Variants in MEIS2 observed in about 807,000 individuals in gnomAD.
MEIS2 encodes homeobox protein Meis2.
MEIS2 carries 9 observed loss-of-function variants against 58.6 expected under a neutral mutation model. The observed-to-expected ratio is 0.15, with a 90% CI of 0.09 to 0.27. The LOEUF (loss-of-function observed/expected upper bound fraction) is 0.27, where lower values mean the gene tolerates loss of function less well. Ranked by LOEUF, MEIS2 falls within the 10% of genes least tolerant of loss-of-function variation. The pLI is 1.00. For missense variants in MEIS2, 427 were observed against 635.0 expected (o/e 0.67, Z 3.52); for synonymous variants, 221 against 228.4 (o/e 0.97, Z 0.29).
At chr15:37,082,000 C>T (rs1395957732) in intron 7 of MEIS2, among the ~76,000 whole-genome samples, 1 of 152,204 alleles carries the variant, frequency 6.6e-6, no homozygotes, top group East Asian at 1.9e-4. Context: ...GTTCTTCTTT[C>T]TCCCACCTCC....
rs111305202 is a variant in MEIS2, at chr15:36,959,281, A to G, written c.901-8881T>C. Among the ~76,000 whole-genome samples, 551 of 152,244 alleles carry G rather than the reference A, an allele frequency of 3.6e-3. 2 individuals are homozygous for G. Among genetic ancestry groups the G allele is most frequent in the African/African-American group, 0.012 (518 of 41,554 alleles). ...GCCAATATCCAGATTTTTTTCCTGC[A>G]AGTTACGTAACACCCATATCCTACG... On this transcript the variant is annotated intron_variant, in intron 8 of 11. Coordinates refer to ENST00000561208, the MANE Select transcript of MEIS2 (RefSeq NM_170675.5).
intron 8 of MEIS2, among the ~76,000 whole-genome samples, chr15:36,954,730 C>G (rs958774622): frequency 1.3e-5 from 2 of 152,058 alleles, no homozygotes; most frequent in African/African-American, 4.8e-5. Context: ...CACAATTTGT[C>G]AAGTTACTTC....
chr15:37,099,096 G>C, intron 1 of MEIS2: 4 of 1,002,570 alleles, frequency 4.0e-6, no homozygotes, highest in Non-Finnish European at 4.8e-6. Context: ...GCGCAGCAGC[G>C]GCAGCAGGAG....
intron 8 of MEIS2, among the ~76,000 whole-genome samples, chr15:37,000,827 T>C (rs1450024329): frequency 6.6e-6 from 1 of 152,150 alleles, no homozygotes; most frequent in Non-Finnish European, 1.5e-5. Flanking sequence ...AAGCAACTTT[T>C]CTCAGCTCCG....
intron 7 of MEIS2, among the ~76,000 whole-genome samples, chr15:37,080,574 G>T (rs1245397744): frequency 6.6e-6 from 1 of 152,134 alleles, no homozygotes; most frequent in Non-Finnish European, 1.5e-5. Flanking sequence ...GACTCAGCAG[G>T]TACAGAATTA....
intron 6 of MEIS2, among the ~76,000 whole-genome samples, chr15:37,093,127 C>A (rs2088626763): frequency 6.6e-6 from 1 of 152,190 alleles, no homozygotes; most frequent in African/African-American, 2.4e-5. Flanking sequence ...TCAGAATTGT[C>A]ATCTCTGTGA....
intron 8 of MEIS2, among the ~76,000 whole-genome samples, chr15:36,955,101 A>T (rs1006320563): frequency 2.0e-5 from 3 of 152,234 alleles, no homozygotes; most frequent in African/African-American, 7.2e-5. Flanking sequence ...TGGAATGCCA[A>T]ACTTATTCAA....
intron 9 of MEIS2, among the ~76,000 whole-genome samples, chr15:36,945,222 A>G (rs12593597): frequency 0.42 from 64,290 of 151,710 alleles, 14,190 homozygotes; most frequent in South Asian, 0.69. Context: ...CTAGAACACT[A>G]TTATTGCCCT....
chr15:36,980,110 C>T (rs1172808897), intron 8 of MEIS2, among the ~76,000 whole-genome samples: 1 of 151,854 alleles, frequency 6.6e-6, no homozygotes, highest in East Asian at 1.9e-4. Flanking sequence ...TTTTTTCTAA[C>T]TTATTTGTAA....
At chr15:37,047,826 G>C (rs1441074901) in intron 7 of MEIS2, among the ~76,000 whole-genome samples, 1 of 152,104 alleles carries the variant, frequency 6.6e-6, no homozygotes, top group African/African-American at 2.4e-5. Flanking sequence ...TGGCACCTTT[G>C]CTAGAGGAAA....
At chr15:36,908,763 C>T (rs1403696453) in intron 9 of MEIS2, among the ~76,000 whole-genome samples, 6 of 151,756 alleles carry the variant, frequency 4.0e-5, no homozygotes, top group East Asian at 3.9e-4. Context: ...GGAGAAACCC[C>T]GTCTCTACTA....
chr15:37,059,622 CT>C (rs373925698), intron 7 of MEIS2, among the ~76,000 whole-genome samples: 247 of 144,684 alleles, frequency 1.7e-3, no homozygotes, highest in Non-Finnish European at 1.5e-3. Flanking sequence ...GTACTGCCTT[CT>C]TTTTTTTTTT....
chr15:36,927,073 C>A (rs959929964), intron 9 of MEIS2, among the ~76,000 whole-genome samples: 2 of 152,116 alleles, frequency 1.3e-5, no homozygotes, highest in Admixed American at 6.5e-5. Flanking sequence ...TTCTTCCTAC[C>A]GATGTGCTTG....
At chr15:37,101,275 A>G (rs1596148906), upstream of MEIS2, 1 of 149,376 alleles carries the variant, frequency 6.7e-6, no homozygotes. Context: ...GTGAGGAGGC[A>G]GTCATCTGGG....
At chr15:37,067,802 T>A (rs1342294113) in intron 7 of MEIS2, among the ~76,000 whole-genome samples, 1 of 152,094 alleles carries the variant, frequency 6.6e-6, no homozygotes, top group Non-Finnish European at 1.5e-5. Context: ...AAAGAAAGTG[T>A]CTTGAGCTAT....
chr15:37,063,050 G>A (rs865846176), intron 7 of MEIS2, among the ~76,000 whole-genome samples: 5 of 152,078 alleles, frequency 3.3e-5, no homozygotes, highest in Non-Finnish European at 5.9e-5. Flanking sequence ...GCTGATCTCC[G>A]TTACCATTAT....
rs758059682 is a variant in MEIS2 at position 36,892,467 on chromosome 15, T to C, written c.1148-8A>G. On this transcript the variant is annotated splice_region_variant and splice_polypyrimidine_tract_variant and intron_variant, in intron 11 of 11. Transcript: ENST00000561208. Reference sequence around the variant, plus strand: ...CTGGCATGCTCTGCAAACCTGAAAATAGAGAGGGAAAAAGAAAGCGGGTCA... The same window carrying C: ...CTGGCATGCTCTGCAAACCTGAAAACAGAGAGGGAAAAAGAAAGCGGGTCA... 1.3e-6 allele frequency: 2 copies of C among 1,588,944 alleles called. No homozygotes were observed. Among genetic ancestry groups the C allele is most frequent in the Middle Eastern group, 1.8e-4 (1 of 5,510 alleles).
chr15:36,930,658 C>CA (rs140947418), intron 9 of MEIS2, among the ~76,000 whole-genome samples: 6,235 of 151,392 alleles, frequency 0.041, 435 homozygotes, highest in African/African-American at 0.14. Context: ...AAGTCATAAG[C>CA]AAAAAAAATG....
chr15:37,011,819 C>G (rs979920111), intron 8 of MEIS2, among the ~76,000 whole-genome samples: 6 of 151,798 alleles, frequency 4.0e-5, no homozygotes, highest in African/African-American at 1.5e-4. Context: ...GGGGTTTCAT[C>G]ATGTTGGTCA....
Sources: gnomAD v4.1 joint callset for allele counts (sites outside exome capture counted in the v4.1 genomes callset) on GRCh38, gnomAD v4.1.1 for gene constraint, MANE v1.5 for transcripts, NCBI Gene and HGNC (gene_info 2026-07-23, HGNC 2026-07-21) for gene names.